MAGEC3: variants seen among roughly 807,000 people sequenced by gnomAD.
The protein encoded by MAGEC3 is melanoma-associated antigen C3.
MAGEC3 carries 34 observed loss-of-function variants against 35.3 expected under a neutral mutation model. The ratio of observed to expected loss-of-function variants is 0.96; its 90% CI spans 0.73 to 1.28. The LOEUF (loss-of-function observed/expected upper bound fraction) is 1.28. Among genes scored for constraint, MAGEC3 ranks in the 50% most tolerant of loss-of-function variants. The pLI is 0.00. For synonymous variants in MAGEC3, 202 were observed against 185.6 expected, an observed-to-expected ratio of 1.09 and a Z score of -0.72; for missense variants, 561 against 483.6, an observed-to-expected ratio of 1.16 and a Z score of -1.50.
chrX:141,852,256 C>G (rs190240596), intron 1 of MAGEC3, among the ~76,000 whole-genome samples: 49 of 110,380 alleles, frequency 4.4e-4, no homozygotes, highest in African/African-American at 1.5e-3. Context: ...CACAGAAATA[C>G]AACTGAGTTT....
intron 4 of MAGEC3, among the ~76,000 whole-genome samples, chrX:141,894,363 A>AT (rs1414310200): frequency 2.7e-5 from 3 of 112,361 alleles, no homozygotes; most frequent in Admixed American, 1.9e-4. Flanking sequence ...GTTAAAAATA[A>AT]TTTTTTTAAA....
chrX:141,841,478 TA>T (rs1032972869), intron 1 of MAGEC3, among the ~76,000 whole-genome samples: 6 of 111,955 alleles, frequency 5.4e-5, no homozygotes, highest in Non-Finnish European at 1.1e-4. Context: ...AGTTTACCTA[TA>T]TAACAAACCT....
intron 2 of MAGEC3, among the ~76,000 whole-genome samples, chrX:141,868,791 G>A (rs1002709279): frequency 3.6e-5 from 4 of 110,391 alleles, no homozygotes; most frequent in Non-Finnish European, 7.6e-5. Context: ...CACAAAATAC[G>A]AGGTCGATTT....
chrX:141,877,266 C>A (rs1366634080), intron 2 of MAGEC3, among the ~76,000 whole-genome samples: 2 of 111,054 alleles, frequency 1.8e-5, no homozygotes, highest in East Asian at 5.6e-4. Context: ...GCTTTTTTAA[C>A]CAAAAAATAT....
At chrX:141,862,521 A>T (rs1366316038) in intron 1 of MAGEC3, among the ~76,000 whole-genome samples, 1 of 112,591 alleles carries the variant, frequency 8.9e-6, no homozygotes, top group South Asian at 3.6e-4. Flanking sequence ...CAGCAAAGAT[A>T]CAGATTCTAC....
At chrX:141,872,934 C>T (rs1458937520) in intron 2 of MAGEC3, among the ~76,000 whole-genome samples, 1 of 111,963 alleles carries the variant, frequency 8.9e-6, no homozygotes, top group Non-Finnish European at 1.9e-5. Flanking sequence ...GGAGTTAACT[C>T]AGGATGAACT....
chrX:141,863,952 A>G (rs766151591), intron 1 of MAGEC3, among the ~76,000 whole-genome samples: 1 of 111,710 alleles, frequency 9.0e-6, no homozygotes, highest in Admixed American at 9.5e-5. Flanking sequence ...AAAGATACGA[A>G]AAACAGATCA....
chrX:141,848,557 A>C (rs1455860962), intron 1 of MAGEC3, among the ~76,000 whole-genome samples: 1 of 111,366 alleles, frequency 9.0e-6, no homozygotes, highest in African/African-American at 3.3e-5. Context: ...ATACCTAGAA[A>C]TATATCTAAG....
intron 3 of MAGEC3, 99 bp downstream of exon 3, chrX:141,879,530 A>G (rs753412374): frequency 3.2e-6 from 3 of 939,812 alleles, no homozygotes; most frequent in African/African-American, 2.1e-5. Context: ...TCGGGGAGGT[A>G]GGCAGGAAGG....
chrX:141,849,290 T>C (rs1190646919), intron 1 of MAGEC3, among the ~76,000 whole-genome samples: 1 of 110,999 alleles, frequency 9.0e-6, no homozygotes, highest in Admixed American at 9.6e-5. Context: ...TCAAGATGAA[T>C]TAAAAATTTA....
intron 1 of MAGEC3, among the ~76,000 whole-genome samples, chrX:141,845,335 GA>G (rs1423122242): frequency 1.8e-5 from 2 of 110,961 alleles, no homozygotes. Context: ...TATGATGGTA[GA>G]AAAAAATTTC....
chrX:141,894,158 G>A (rs759295056), intron 4 of MAGEC3, among the ~76,000 whole-genome samples: 1 of 111,823 alleles, frequency 8.9e-6, no homozygotes, highest in African/African-American at 3.3e-5. Flanking sequence ...GAAGTGCCTT[G>A]ACTGACCTCA....
intron 1 of MAGEC3, among the ~76,000 whole-genome samples, chrX:141,862,710 T>C (rs2017822696): frequency 1.8e-5 from 2 of 112,372 alleles, no homozygotes; most frequent in Admixed American, 1.9e-4. Context: ...TTCTTACTCA[T>C]ATGTGTGAGA....
chrX:141,894,769 T>G, intron 4 of MAGEC3: 5 of 968,467 alleles, frequency 5.2e-6, no homozygotes, highest in Non-Finnish European at 6.6e-6. Flanking sequence ...AGCCACTCCT[T>G]GCTGTCACCC....
rs181907553 is a variant in MAGEC3, at chrX:141,875,130, G to A, written c.259-4045G>A. Among the ~76,000 whole-genome samples, 21 of 111,662 alleles carry A rather than the reference G, an allele frequency of 1.9e-4. No individual in the cohort carries two copies. The Admixed American group carries it at 1.9e-3, about 10-fold the overall frequency. On this transcript the variant is annotated intron_variant, in intron 2 of 7. Coordinates refer to ENST00000298296, the MANE Select transcript of MAGEC3 (RefSeq NM_138702.1). Reference sequence around the variant, plus strand: ...AAAGGAGAGGCACCAGCAAAAGAGGGTTTGTCTTAGTCTAGGTGAGAGATG... The same window carrying A: ...AAAGGAGAGGCACCAGCAAAAGAGGATTTGTCTTAGTCTAGGTGAGAGATG...
At chrX:141,854,274 G>A (rs191333031) in intron 1 of MAGEC3, among the ~76,000 whole-genome samples, 127 of 110,795 alleles carry the variant, frequency 1.1e-3, no homozygotes, top group Admixed American at 2.8e-3. Context: ...AGGAATTATG[G>A]GAGATAAACA....
chrX:141,873,144 A>T (rs1256380536), intron 2 of MAGEC3, among the ~76,000 whole-genome samples: 6 of 111,941 alleles, frequency 5.4e-5, no homozygotes, highest in Non-Finnish European at 1.1e-4. Context: ...TCTTTCTTAC[A>T]GACTAAGAGC....
chrX:141,862,770 A>AC (rs1488919691), intron 1 of MAGEC3, among the ~76,000 whole-genome samples: 6 of 111,996 alleles, frequency 5.4e-5, no homozygotes, highest in Non-Finnish European at 9.4e-5. Flanking sequence ...GACACCAGAG[A>AC]CTGGGGAGTG....
chrX:141,895,613 C>G (rs992117122), intron 6 of MAGEC3, 54 bp downstream of exon 6: 6 of 1,097,943 alleles, frequency 5.5e-6, no homozygotes, highest in Admixed American at 5.9e-5. Flanking sequence ...CTGGGGGAAC[C>G]CCCACCTCAG....
Sources: allele counts gnomAD v4.1 joint callset (sites outside exome capture counted in the v4.1 genomes callset), GRCh38; gene constraint gnomAD v4.1.1; transcripts MANE v1.5; gene names NCBI Gene and HGNC (gene_info 2026-07-23, HGNC 2026-07-21).